Variants in FAM171B observed in about 807,000 individuals in gnomAD.
FAM171B encodes the protein family with sequence similarity 171 member B.
In FAM171B, 19 loss-of-function variants were observed where a neutral mutation model predicts 75.6. The observed-to-expected ratio is 0.25, with a 90% CI of 0.18 to 0.37. The LOEUF (loss-of-function observed/expected upper bound fraction) is 0.37, where lower values mean the gene tolerates loss of function less well. FAM171B is among the 10% of genes least tolerant of loss of function. The pLI is 1.00. For missense variants in FAM171B, 848 were observed against 982.4 expected, an observed-to-expected ratio of 0.86 and a Z score of 1.83; for synonymous variants, 367 against 361.7, an observed-to-expected ratio of 1.01 and a Z score of -0.17.
rs1041039462 is a variant in FAM171B, at chr2:186,724,064, G to A, written c.239-16164G>A. Among the ~76,000 whole-genome samples the A allele has an allele frequency of 8.5e-5, 13 of 152,190 alleles. No homozygotes were observed. In the South Asian group the frequency reaches 1.7e-3, roughly 19 times the overall value. ...AAGTTATATATGTGTTAAGAAGGTAGTATGGAAAAATATTATGGAAAAAAT... is the reference window on the plus strand; with the variant it reads ...AAGTTATATATGTGTTAAGAAGGTAATATGGAAAAATATTATGGAAAAAAT... On this transcript the variant is annotated intron_variant, in intron 1 of 7. Transcript: ENST00000304698.
chr2:186,732,169 C>CT (rs1690127214), intron 1 of FAM171B, among the ~76,000 whole-genome samples: 1 of 2,008 alleles, frequency 5.0e-4, no homozygotes. Context: ...ACTATTATAA[C>CT]TTTTTTTTGT....
In FAM171B at chr2:186,747,172, G is replaced by A. The variant is rs1260541145; in HGVS notation, c.646G>A (p.Gly216Ser). 2.5e-6 allele frequency: 4 copies of A among 1,607,850 alleles called. No individual in the cohort carries two copies. Among genetic ancestry groups the A allele is most frequent in the Non-Finnish European group, 3.4e-6 (4 of 1,177,290 alleles). The change falls in exon 4 of 8, where the codon GGC (glycine) becomes AGC (serine). Residue 216 changes from glycine (G) to serine (S), a missense_variant. Transcript: ENST00000304698. ...PDNHHISNVT[G>S]YLTVLQQFLK... Reference sequence around the variant, plus strand: ...CAACCATCATATTAGCAACGTTACTGGCTATCTTACAGTTCTACAACAGTT... The same window carrying A: ...CAACCATCATATTAGCAACGTTACTAGCTATCTTACAGTTCTACAACAGTT...
At chr2:186,717,641 C>T (rs1314677397) in intron 1 of FAM171B, among the ~76,000 whole-genome samples, 1 of 152,110 alleles carries the variant, frequency 6.6e-6, no homozygotes, top group East Asian at 1.9e-4. Flanking sequence ...CAGCTGCTAC[C>T]TTAGGCCTCA....
intron 1 of FAM171B, among the ~76,000 whole-genome samples, chr2:186,734,102 A>G (rs541586726): frequency 6.6e-6 from 1 of 152,318 alleles, no homozygotes; most frequent in South Asian, 2.1e-4. Flanking sequence ...TGAAGAGTGC[A>G]TTATTGAGTG....
chr2:186,756,803 G>T (rs1690538974), intron 6 of FAM171B, among the ~76,000 whole-genome samples: 1 of 152,090 alleles, frequency 6.6e-6, no homozygotes, highest in Non-Finnish European at 1.5e-5. Context: ...ATCTGATTTG[G>T]CTTCAAATGG....
At chr2:186,731,472 A>G (rs1185566810) in intron 1 of FAM171B, among the ~76,000 whole-genome samples, 1 of 152,158 alleles carries the variant, frequency 6.6e-6, no homozygotes, top group African/African-American at 2.4e-5. Flanking sequence ...TCTGGCTTAT[A>G]TTAGTTGGGT....
At chr2:186,701,952 T>C (rs762341885) in intron 1 of FAM171B, among the ~76,000 whole-genome samples, 65 of 152,356 alleles carry the variant, frequency 4.3e-4, no homozygotes, top group Non-Finnish European at 7.1e-4. Flanking sequence ...TGTTTCTTAA[T>C]TTCCTTTTGT....
rs188265459 is a variant in FAM171B, at chr2:186,718,225, C to T, written c.239-22003C>T. On this transcript the variant is annotated intron_variant, in intron 1 of 7. Transcript: ENST00000304698. Reference sequence around the variant, plus strand: ...TCTAAGGCCATTTTACAAATTGCTCCCAGAGAGGTCTTTCTGTACCAAAAA... The same window carrying T: ...TCTAAGGCCATTTTACAAATTGCTCTCAGAGAGGTCTTTCTGTACCAAAAA... Among the ~76,000 whole-genome samples, 47 of 152,162 alleles carry T rather than the reference C, an allele frequency of 3.1e-4. 1 individual carries two copies. The East Asian group carries it at 7.7e-3, about 25-fold the overall frequency.
rs575238974 is a variant in FAM171B at position 186,697,891 on chromosome 2, CA to C, written c.238+3481del. On this transcript the variant is annotated intron_variant, in intron 1 of 7. Transcript: ENST00000304698. Reference sequence around the variant, plus strand: ...GATTAAAAAAAAACTTGAATGTGAACATTTTTTAAAAATCAGGATTTAAAAA... The same window carrying C: ...GATTAAAAAAAAACTTGAATGTGAACTTTTTTAAAAATCAGGATTTAAAAA... Among the ~76,000 whole-genome samples, 381 of 152,104 alleles carry C rather than the reference CA, an allele frequency of 2.5e-3. 2 individuals carry two copies. Among genetic ancestry groups the C allele is most frequent in the African/African-American group, 8.9e-3 (368 of 41,502 alleles).
intron 1 of FAM171B, among the ~76,000 whole-genome samples, chr2:186,729,813 T>C (rs926547224): frequency 2.0e-5 from 3 of 152,116 alleles, no homozygotes; most frequent in African/African-American, 7.2e-5. Flanking sequence ...AGAAAATAAG[T>C]TAGTAAATAT....
intron 7 of FAM171B, 50 bp from the exon 8 acceptor site, chr2:186,761,429 C>A: frequency 6.6e-7 from 1 of 1,515,694 alleles, no homozygotes; most frequent in Non-Finnish European, 8.8e-7. Context: ...AATAAATGAA[C>A]CATTTGTGTC....
chr2:186,762,198 A>G lies in FAM171B; in HGVS notation c.1856A>G (p.Asp619Gly). Residue 619 changes from aspartate to glycine, a missense_variant, in exon 8 of 8, where the codon GAT (aspartate) becomes GGT (glycine). Physicochemically the swap from Asp to Gly is moderately conservative, Grantham distance 94. Around this residue, in one of 3 missense-constraint regions of FAM171B, gnomAD observed 47 missense variants for 94.0 expected, o/e 0.50. Transcript: ENST00000304698. This position sits in a 1 kb window ranked among gnomAD's most constrained non-coding sequence, Gnocchi z 4.0. ...GQQSLPSQAS[D>G]WSRYSSSLLE... ...CAGAGCCTGCCATCCCAGGCTTCAG[A>G]TTGGAGCCGATACTCAAGCAGCTTA... 3 of 1,613,652 alleles carry G rather than the reference A, an allele frequency of 1.9e-6. No homozygotes were observed. Among genetic ancestry groups the G allele is most frequent in the Non-Finnish European group, 2.5e-6 (3 of 1,179,786 alleles).
At chr2:186,749,172 CTT>C (rs1690414892) in intron 4 of FAM171B, among the ~76,000 whole-genome samples, 1 of 152,156 alleles carries the variant, frequency 6.6e-6, no homozygotes, top group African/African-American at 2.4e-5. Context: ...TTAGTGGTCA[CTT>C]TATTAGATTA....
At chr2:186,721,622 C>T (rs1446672929) in intron 1 of FAM171B, among the ~76,000 whole-genome samples, 2 of 152,020 alleles carry the variant, frequency 1.3e-5, no homozygotes, top group Non-Finnish European at 2.9e-5. Flanking sequence ...TTTAATTATA[C>T]AATTCTCTAA....
chr2:186,720,700 CAAA>C (rs71411184), intron 1 of FAM171B, among the ~76,000 whole-genome samples: 5 of 110,250 alleles, frequency 4.5e-5, no homozygotes, highest in Non-Finnish European at 7.1e-5. Context: ...AGATCATGTA[CAAA>C]AAAAAAAAAA....
chr2:186,707,970 T>C (rs1689756079), intron 1 of FAM171B, among the ~76,000 whole-genome samples: 1 of 152,104 alleles, frequency 6.6e-6, no homozygotes, highest in African/African-American at 2.4e-5. Context: ...GTTCCATATT[T>C]CCATATTTAT....
chr2:186,730,647 A>G (rs1224065972), intron 1 of FAM171B, among the ~76,000 whole-genome samples: 1 of 152,166 alleles, frequency 6.6e-6, no homozygotes, highest in African/African-American at 2.4e-5. Flanking sequence ...TCTAAATATG[A>G]TATTTTCTTA....
intron 6 of FAM171B, among the ~76,000 whole-genome samples, chr2:186,758,948 A>G (rs973881124): frequency 1.3e-5 from 2 of 151,854 alleles, no homozygotes; most frequent in Non-Finnish European, 2.9e-5. Flanking sequence ...CTCTCCCCCA[A>G]CCCCACACTA....
intron 1 of FAM171B, among the ~76,000 whole-genome samples, chr2:186,732,216 G>T (rs753827556): frequency 1.3e-5 from 2 of 152,048 alleles, no homozygotes; most frequent in Non-Finnish European, 2.9e-5. Flanking sequence ...TTCCATTTGA[G>T]TTTGAGGACA....
Sources: allele counts gnomAD v4.1 joint callset (sites outside exome capture counted in the v4.1 genomes callset), GRCh38; gene constraint gnomAD v4.1.1; regional missense constraint gnomAD v4.1.1; non-coding constraint Gnocchi (gnomAD v3.1); transcripts MANE v1.5; gene names NCBI Gene and HGNC (gene_info 2026-07-23, HGNC 2026-07-21).